Variants in ZNF534 observed in about 807,000 individuals in gnomAD.
The protein encoded by ZNF534 is KRAB domain only 3.
Under a neutral mutation model 13.6 loss-of-function variants are expected in ZNF534, and 19 were observed. The observed-to-expected ratio is 1.40, with a 90% CI of 0.97 to 2.05. The LOEUF is 2.05. ZNF534 is among the 30% of genes most tolerant of loss of function. ZNF534 has a pLI of 0.00. For missense variants in ZNF534, 782 were observed against 796.3 expected (o/e 0.98, Z 0.22); for synonymous variants, 244 against 273.8 (o/e 0.89, Z 1.07).
intron 2 of ZNF534, 155 bp from the exon 3 acceptor site, chr19:52,433,788 TATAATAAAACAC>T: frequency 1.3e-6 from 1 of 761,898 alleles, no homozygotes; most frequent in Non-Finnish European, 2.3e-6. Context: ...TATGGAAAAG[TATAATAAAACAC>T]AATCACAGAC....
At position 52,438,511 on chromosome 19, in the gene ZNF534, G is replaced by C; in HGVS notation, c.1051G>C (p.Glu351Gln). The C allele has an allele frequency of 1.3e-6, 2 of 1,588,616 alleles. No homozygotes were observed. Among genetic ancestry groups the C allele is most frequent in the South Asian group, 2.3e-5 (2 of 88,516 alleles). Residue 351 changes from glutamate (E) to glutamine (Q), a missense_variant, in exon 5 of 5, where the codon GAG (glutamate) becomes CAG (glutamine). Glu to Gln is a conservative substitution (Grantham distance 29). Around this residue, in one of 5 missense-constraint regions of ZNF534, gnomAD observed 591 missense variants for 574.0 expected, o/e 1.03. Coordinates refer to ENST00000433050, the MANE Select transcript of ZNF534 (RefSeq NM_001143938.3). ...CACTCATCAGACAGTTCATACTGGA[G>C]AGAGACCATACAAATGTAATGAATG... Reference protein sequence around the residue: ...LTTHQTVHTGERPYKCNECGK... With the variant: ...LTTHQTVHTGQRPYKCNECGK...
At chr19:52,447,178 T>C (rs2059197354), downstream of ZNF534, among the ~76,000 whole-genome samples, 1 of 152,162 alleles carries the variant, frequency 6.6e-6, no homozygotes, top group Admixed American at 6.5e-5. Flanking sequence ...CAGGACAAAA[T>C]GTCATCTCAA....
chr19:52,433,855 C>G (rs927224617), intron 2 of ZNF534, 100 bp from the exon 3 acceptor site: 1 of 1,382,666 alleles, frequency 7.2e-7, no homozygotes, highest in South Asian at 1.2e-5. Flanking sequence ...TGGCGCAGTG[C>G]TCGCTTCAGT....
chr19:52,434,081 G>C lies in ZNF534; in HGVS notation c.142G>C (p.Gly48Arg), dbSNP rs765622218. Residue 48 changes from glycine (G) to arginine (R), a missense_variant and splice_region_variant, in exon 3 of 5, where the codon GGA (glycine) becomes CGA (arginine). Physicochemically the swap from Gly to Arg is moderately radical, Grantham distance 125. Coordinates refer to ENST00000433050, the MANE Select transcript of ZNF534 (RefSeq NM_001143938.3). The part of the protein sequence containing the change: ...LENYRNLVSL[G>R]ICLPDLSVTS... ...GAACTACAGGAACCTGGTCTCCCTA[G>C]GTGAGGATAATGTCCGTCCAGAAGC... 4.3e-5 allele frequency: 69 copies of C among 1,613,410 alleles called. No individual in the cohort carries two copies. Among genetic ancestry groups the C allele is most frequent in the South Asian group, 2.7e-4 (25 of 91,004 alleles).
intron 4 of ZNF534, among the ~76,000 whole-genome samples, chr19:52,435,582 C>T (rs112694167): frequency 0.018 from 2,797 of 152,314 alleles, 93 homozygotes; most frequent in African/African-American, 0.063. Flanking sequence ...TGGCTGGCTG[C>T]AGCCTCACCT....
At chr19:52,435,933 C>CTTTTTTTTTTTTTTTTTTTTT (rs1289517628) in intron 4 of ZNF534, among the ~76,000 whole-genome samples, 1 of 17,522 alleles carries the variant, frequency 5.7e-5, no homozygotes, top group African/African-American at 7.2e-5. Flanking sequence ...TATTTTTCTT[C>CTTTTTTTTTTTTTTTTTTTTT]TTCTTCTTTT....
intron 2 of ZNF534, among the ~76,000 whole-genome samples, chr19:52,433,608 C>T (rs558933989): frequency 3.3e-5 from 5 of 152,304 alleles, no homozygotes; most frequent in Non-Finnish European, 5.9e-5. Context: ...CCTCGTGATC[C>T]GACCGCCTTG....
Position 52,439,036 on chromosome 19 carries a change from G to A in ZNF534, c.1576G>A (p.Glu526Lys), listed in dbSNP as rs1046501942. The A allele has an allele frequency of 3.3e-5, 53 of 1,599,264 alleles. No homozygotes were observed. Among genetic ancestry groups the A allele is most frequent in the Non-Finnish European group, 4.5e-5 (53 of 1,172,464 alleles). The stretch of plus-strand genomic sequence containing the variant: ...TGGAGAGAAGCCTTACAGTTGTAAT[G>A]AATGTGGCAAGGTCTTCCGTCGGAA... The part of the protein sequence containing the change: ...HTGEKPYSCN[E>K]CGKVFRRNSH... The change falls in exon 5 of 5, where the codon GAA (glutamate) becomes AAA (lysine). Residue 526 changes from glutamate to lysine, a missense_variant. Glu to Lys is a moderately conservative substitution (Grantham distance 56). Transcript: ENST00000433050.
In ZNF534 at chr19:52,439,682, C is replaced by T. The variant is rs886408831; in HGVS notation, c.*236C>T. ...GCTGAGGCAGGAGGATGGCATGAAC[C>T]TGGGAGGCAGAGCCTCCAGTGAGCC... On this transcript the variant is annotated 3_prime_UTR_variant, in exon 5 of 5. Coordinates refer to ENST00000433050, the MANE Select transcript of ZNF534 (RefSeq NM_001143938.3). Among the ~76,000 whole-genome samples, 19 of 151,512 alleles carry T rather than the reference C, an allele frequency of 1.3e-4. No homozygotes were observed. The highest frequency in any genetic ancestry group is 4.6e-4 in the African/African-American group (19 of 41,126).
At position 52,448,617 on chromosome 19, in the gene ZNF534, TA is replaced by T. The variant is rs2059202180; in HGVS notation, c.272-2569del. On this transcript the variant is annotated intron_variant, in intron 4 of 4. Coordinates refer to the ZNF534 transcript ENST00000301085. ...TACCATCTGTGCCTGAAAATTGCAT[TA>T]TTTGGGCATTATTTGGGAGAATGTT... 1.3e-5 allele frequency among the ~76,000 whole-genome samples: 2 copies of T among 152,142 alleles called. 1 individual carries two copies. Among genetic ancestry groups the T allele is most frequent in the South Asian group, 4.1e-4 (2 of 4,834 alleles).
rs755532461 is a variant in ZNF534 at position 52,431,610 on chromosome 19, T to A, written c.15+121T>A. 10 of 1,308,624 alleles carry A rather than the reference T, an allele frequency of 7.6e-6. No individual in the cohort carries two copies. In the East Asian group the frequency reaches 2.2e-4, roughly 28 times the overall value. 81.1% of individuals were successfully genotyped at this position (1,308,624 alleles called of 1,614,324 possible). A position where few individuals can be genotyped will look rare whatever the true frequency, so the allele number is the denominator to read the frequency against. On this transcript the variant is annotated intron_variant, in intron 2 of 4. Transcript: ENST00000433050. ...TGACTCATTTCATTGCACTTACCCATGGCTTCTTCCAGTCCCTTTCACTTC... is the reference window on the plus strand; with the variant it reads ...TGACTCATTTCATTGCACTTACCCAAGGCTTCTTCCAGTCCCTTTCACTTC...
chr19:52,445,058 T>C (rs10408608), downstream of ZNF534, among the ~76,000 whole-genome samples: 139,306 of 152,238 alleles, frequency 0.92, 64,089 homozygotes, highest in Non-Finnish European at 0.96. Flanking sequence ...AAAGTTCAAC[T>C]GGAGGTTTCC....
At chr19:52,445,390 T>C (rs1035403311), downstream of ZNF534, among the ~76,000 whole-genome samples, 3 of 151,978 alleles carry the variant, frequency 2.0e-5, no homozygotes, top group Non-Finnish European at 4.4e-5. Flanking sequence ...AGAGACGGGG[T>C]TTCACCATGT....
At chr19:52,442,860 A>T (rs183845107), downstream of ZNF534, among the ~76,000 whole-genome samples, 262 of 152,358 alleles carry the variant, frequency 1.7e-3, 4 homozygotes, top group South Asian at 7.2e-3. Context: ...ACATGGGTAG[A>T]GAATAACATA....
At position 52,440,081 on chromosome 19, in the gene ZNF534, A is replaced by C. The variant is rs2122705553; in HGVS notation, c.*635A>C. On this transcript the variant is annotated 3_prime_UTR_variant, in exon 5 of 5. Transcript: ENST00000433050. ...AAAACTCTTTCTTTAAAAACAAAAC[A>C]AAAAAAGTTATGAAGCCTCACAAAA... is the stretch of plus-strand genomic sequence containing the variant. 6.6e-6 allele frequency among the ~76,000 whole-genome samples: 1 copy of C among 152,214 alleles called. No homozygotes were observed. The highest frequency in any genetic ancestry group is 6.5e-5 in the Admixed American group (1 of 15,290).
intron 4 of ZNF534, among the ~76,000 whole-genome samples, chr19:52,448,087 G>T (rs2059200513): frequency 6.6e-6 from 1 of 152,068 alleles, no homozygotes; most frequent in Non-Finnish European, 1.5e-5. Context: ...TTTGAGACTA[G>T]TCTGAGCAAC....
Position 52,437,786 on chromosome 19 carries a change from A to G in ZNF534, c.326A>G (p.His109Arg), listed in dbSNP as rs768985669. The change falls in exon 5 of 5, where the codon CAT becomes CGT. Residue 109 changes from histidine to arginine, a missense_variant. His to Arg is a conservative substitution (Grantham distance 29). Coordinates refer to ENST00000433050, the MANE Select transcript of ZNF534 (RefSeq NM_001143938.3). ...SAGNKSLKNQ[H>R]GLTLQLHLTE... is the part of the protein sequence containing the mutation. ...GGAAACAAGTCACTTAAAAATCAAC[A>G]TGGATTAACTCTTCAGTTACATCTG... is the stretch of plus-strand genomic sequence containing the variant. The G allele has an allele frequency of 9.4e-6, 15 of 1,604,090 alleles. No homozygotes were observed. In the African/African-American group the frequency reaches 1.1e-4, roughly 11 times the overall value.
At position 52,435,761 on chromosome 19, in the gene ZNF534, TC is replaced by T. The variant is rs529180782; in HGVS notation, c.271+555del. ...CTCAAGTGATCCACCCACCTCAGCCTCCCAAAGTGCTGGGATTACAGGCATG... is the reference window on the plus strand; with the variant it reads ...CTCAAGTGATCCACCCACCTCAGCCTCCAAAGTGCTGGGATTACAGGCATG... On this transcript the variant is annotated intron_variant, in intron 4 of 4. Transcript: ENST00000433050. Among the ~76,000 whole-genome samples the T allele has an allele frequency of 1.9e-3, 283 of 152,142 alleles. 1 individual carries two copies. Among genetic ancestry groups the T allele is most frequent in the South Asian group, 5.2e-3 (25 of 4,816 alleles).
intron 2 of ZNF534, 34 bp from the exon 3 acceptor site, chr19:52,433,921 A>G (rs374903550): frequency 5.0e-4 from 814 of 1,613,094 alleles, no homozygotes; most frequent in Non-Finnish European, 6.6e-4. Context: ...TACTCTCTCC[A>G]TACCCTGTTT....
Sources: allele counts gnomAD v4.1 joint callset (sites outside exome capture counted in the v4.1 genomes callset), GRCh38; gene constraint gnomAD v4.1.1; regional missense constraint gnomAD v4.1.1; transcripts MANE v1.5; gene names NCBI Gene and HGNC (gene_info 2026-07-23, HGNC 2026-07-21).